HPGDS: variants seen among roughly 807,000 people sequenced by gnomAD.
The protein encoded by HPGDS is GST class-sigma.
In HPGDS, 26 loss-of-function variants were observed where a neutral mutation model predicts 23.1. The observed-to-expected ratio is 1.13, with a 90% CI of 0.83 to 1.56. HPGDS has a LOEUF of 1.56. HPGDS is among the 40% of genes most tolerant of loss of function. The pLI is 0.00. For missense variants in HPGDS, 268 were observed against 236.4 expected (o/e 1.13, Z -0.88); for synonymous variants, 95 against 77.9 (o/e 1.22, Z -1.16).
At chr4:94,334,723 T>C in intron 1 of HPGDS, 85 bp from the exon 2 acceptor site, 6 of 1,251,482 alleles carry the variant, frequency 4.8e-6, no homozygotes, top group Non-Finnish European at 6.6e-6. Context: ...TGGAAAACTT[T>C]ATGGCATCTC....
At chr4:94,301,541 G>C (rs1363019185) in intron 5 of HPGDS, among the ~76,000 whole-genome samples, 1 of 152,054 alleles carries the variant, frequency 6.6e-6, no homozygotes, top group Admixed American at 6.6e-5. Context: ...TATACTGTTA[G>C]CTGTAGTTCA....
At chr4:94,332,846 A>C (rs559500266) in intron 2 of HPGDS, among the ~76,000 whole-genome samples, 33 of 152,288 alleles carry the variant, frequency 2.2e-4, no homozygotes, top group African/African-American at 7.9e-4. Context: ...CTCTGGGCCT[A>C]CTAAGTCACT....
chr4:94,299,731 A>G (rs1755998125), intron 5 of HPGDS, 87 bp from the exon 6 acceptor site: 3 of 1,195,988 alleles, frequency 2.5e-6, no homozygotes, highest in Admixed American at 4.5e-5. Context: ...TTCTTAATCT[A>G]AAAGATTCAA....
At chr4:94,340,311 C>CTTTTCTTTTTTTTTT (rs1721126934) in intron 1 of HPGDS, among the ~76,000 whole-genome samples, 5 of 23,686 alleles carry the variant, frequency 2.1e-4, no homozygotes, top group South Asian at 1.6e-3. Flanking sequence ...CTTTCTTTCT[C>CTTTTCTTTTTTTTTT]TTTTTTTTTT....
intron 2 of HPGDS, among the ~76,000 whole-genome samples, chr4:94,329,417 C>T (rs1271395637): frequency 6.6e-6 from 1 of 152,126 alleles, no homozygotes; most frequent in Non-Finnish European, 1.5e-5. Flanking sequence ...GAATAGTCTC[C>T]AAATTAGTGA....
At chr4:94,308,320 A>G (rs973578311) in intron 4 of HPGDS, among the ~76,000 whole-genome samples, 1 of 152,088 alleles carries the variant, frequency 6.6e-6, no homozygotes, top group Non-Finnish European at 1.5e-5. Context: ...CTGTACTATC[A>G]TAAGTCCTGA....
intron 4 of HPGDS, among the ~76,000 whole-genome samples, chr4:94,305,628 C>A (rs1025782159): frequency 2.1e-4 from 32 of 152,160 alleles, no homozygotes; most frequent in African/African-American, 7.7e-4. Flanking sequence ...CTGTTTTGAA[C>A]AGCTGCTTGC....
intron 3 of HPGDS, among the ~76,000 whole-genome samples, chr4:94,313,100 G>C (rs1161209907): frequency 1.3e-5 from 2 of 152,140 alleles, no homozygotes; most frequent in Admixed American, 1.3e-4. Context: ...CAATTTGCCA[G>C]TCTGTGTCTT....
At chr4:94,314,063 A>T (rs1165397535) in intron 3 of HPGDS, among the ~76,000 whole-genome samples, 3 of 151,822 alleles carry the variant, frequency 2.0e-5, no homozygotes, top group Non-Finnish European at 2.9e-5. Context: ...AGGTTTTTAA[A>T]CTCCTTTGCC....
At chr4:94,335,976 C>G (rs768287682) in intron 1 of HPGDS, among the ~76,000 whole-genome samples, 41 of 152,100 alleles carry the variant, frequency 2.7e-4, no homozygotes, top group Non-Finnish European at 5.0e-4. Context: ...GAGGCCAAGG[C>G]AGGCGGATCA....
chr4:94,304,129 G>T (rs1339016741), intron 4 of HPGDS, among the ~76,000 whole-genome samples: 1 of 151,708 alleles, frequency 6.6e-6, no homozygotes, highest in Admixed American at 6.6e-5. Flanking sequence ...CCTTTTCAGA[G>T]GAGGTTTTTT....
chr4:94,326,691 G>C (rs76972799), intron 2 of HPGDS, among the ~76,000 whole-genome samples: 235 of 151,924 alleles, frequency 1.5e-3, no homozygotes, highest in African/African-American at 5.3e-3. Context: ...TTCTTTTTCA[G>C]GCATTTCATG....
At chr4:94,306,734 A>T (rs1481824431) in intron 4 of HPGDS, among the ~76,000 whole-genome samples, 1 of 152,108 alleles carries the variant, frequency 6.6e-6, no homozygotes, top group Non-Finnish European at 1.5e-5. Context: ...GAAATTTAGA[A>T]CTCAAGGACT....
intron 2 of HPGDS, among the ~76,000 whole-genome samples, chr4:94,326,027 G>A (rs78532639): frequency 6.6e-6 from 1 of 151,296 alleles, no homozygotes; most frequent in East Asian, 1.9e-4. Context: ...TTGTCTCCTG[G>A]CCTCTAAAAT....
In HPGDS at chr4:94,333,678, G is replaced by C. The variant is rs146452240; in HGVS notation, c.133+819C>G. 3.1e-3 allele frequency among the ~76,000 whole-genome samples: 476 copies of C among 152,276 alleles called. 3 individuals are homozygous for C. The highest frequency in any genetic ancestry group is 5.2e-3 in the Non-Finnish European group (357 of 68,010). On this transcript the variant is annotated intron_variant, in intron 2 of 5. Coordinates refer to ENST00000295256, the MANE Select transcript of HPGDS (RefSeq NM_014485.3). ...TCTATGGAAATATTAAGAAAATACA[G>C]AAATTCCATTTTTAGTAACAATGAA...
chr4:94,325,963 A>G (rs953946817), intron 2 of HPGDS, among the ~76,000 whole-genome samples: 5 of 149,808 alleles, frequency 3.3e-5, no homozygotes, highest in East Asian at 2.0e-4. Flanking sequence ...TGGTTATAGT[A>G]TTCTTGGCTG....
chr4:94,316,190 G>GA (rs773639356), intron 3 of HPGDS, among the ~76,000 whole-genome samples: 14 of 152,176 alleles, frequency 9.2e-5, no homozygotes, highest in Non-Finnish European at 1.6e-4. Context: ...ATTGCAAGTT[G>GA]AAAAAAGTAT....
rs867468973 is a variant in HPGDS at position 94,299,207 on chromosome 4, C to T, written c.*273G>A. On this transcript the variant is annotated 3_prime_UTR_variant, in exon 6 of 6. Transcript: ENST00000295256. Reference sequence around the variant, plus strand: ...TTGCTAAACCATTATGACTGCAATTCGTGCATGTTAGAACCTGTGCAAAGC... The same window carrying T: ...TTGCTAAACCATTATGACTGCAATTTGTGCATGTTAGAACCTGTGCAAAGC... 46 of 279,212 alleles carry T rather than the reference C, an allele frequency of 1.6e-4. No homozygotes were observed. The highest frequency in any genetic ancestry group is 6.5e-4 in the African/African-American group (30 of 45,992). The allele number at this position is 279,212 out of a possible 1,614,324, so 17.3% of individuals were successfully genotyped here. A position where few individuals can be genotyped will look rare whatever the true frequency, so the allele number is the denominator to read the frequency against.
At chr4:94,317,796 G>T in intron 3 of HPGDS, 77 bp downstream of exon 3, 1 of 834,370 alleles carries the variant, frequency 1.2e-6, no homozygotes, top group African/African-American at 1.7e-5. Flanking sequence ...CTATGCTAAA[G>T]TCATTTAATG....
Sources: gnomAD v4.1 joint callset for allele counts (sites outside exome capture counted in the v4.1 genomes callset) on GRCh38, gnomAD v4.1.1 for gene constraint, MANE v1.5 for transcripts, NCBI Gene and HGNC (gene_info 2026-07-23, HGNC 2026-07-21) for gene names.